STK3: variants seen among roughly 807,000 people sequenced by gnomAD.
STK3 encodes serine/threonine kinase 3.
STK3 carries 41 observed loss-of-function variants against 58.0 expected under a neutral mutation model. That is an observed-to-expected ratio of 0.71 (90% CI 0.55 to 0.92). The LOEUF is 0.92. Ranked by LOEUF, STK3 falls within the 40% of genes least tolerant of loss-of-function variation. The pLI, the probability that STK3 is intolerant of heterozygous loss-of-function variation, is 0.00. For synonymous variants in STK3, 170 were observed against 191.0 expected (o/e 0.89, Z 0.91); for missense variants, 479 against 602.7 (o/e 0.79, Z 2.15).
chr8:98,375,673 CT>C (rs534680371), intron 2 of STK3, among the ~76,000 whole-genome samples: 69 of 147,828 alleles, frequency 4.7e-4, no homozygotes, highest in Admixed American at 1.6e-3. Context: ...CCTTTTGCAA[CT>C]TTTTTTTTTT....
At chr8:98,412,651 ATATC>A (rs1563595650) in intron 3 of STK3, among the ~76,000 whole-genome samples, 1 of 152,226 alleles carries the variant, frequency 6.6e-6, no homozygotes, top group Non-Finnish European at 1.5e-5. Flanking sequence ...AAGCAGTTGC[ATATC>A]TATCAGGATT....
chr8:98,747,216 G>A (rs909351477), intron 4 of STK3, among the ~76,000 whole-genome samples: 19 of 151,342 alleles, frequency 1.3e-4, no homozygotes, highest in African/African-American at 4.4e-4. Flanking sequence ...AAATATATGA[G>A]TAAATATAAA....
intron 4 of STK3, among the ~76,000 whole-genome samples, chr8:98,742,813 T>C (rs1319653351): frequency 2.6e-5 from 4 of 151,994 alleles, no homozygotes; most frequent in African/African-American, 4.8e-5. Flanking sequence ...GATGACATGA[T>C]TGGATATCTA....
intron 6 of STK3, among the ~76,000 whole-genome samples, chr8:98,698,386 G>T (rs995639538): frequency 2.8e-4 from 42 of 152,060 alleles, no homozygotes; most frequent in Non-Finnish European, 7.4e-5. Flanking sequence ...ATTGTTATGT[G>T]TGAATTTGAT....
intron 1 of STK3, among the ~76,000 whole-genome samples, chr8:98,811,420 T>C (rs974450424): frequency 4.6e-5 from 7 of 152,140 alleles, no homozygotes; most frequent in Non-Finnish European, 1.5e-5. Flanking sequence ...GGCATGATCC[T>C]TCATCTCATA....
At chr8:98,891,424 G>A (rs765010967) in intron 1 of STK3, among the ~76,000 whole-genome samples, 1 of 152,160 alleles carries the variant, frequency 6.6e-6, no homozygotes, top group Non-Finnish European at 1.5e-5. Context: ...ATTATAACGA[G>A]AACTTTTATA....
At chr8:98,508,930 G>GTAT (rs1474018823) in intron 10 of STK3, among the ~76,000 whole-genome samples, 11 of 152,050 alleles carry the variant, frequency 7.2e-5, no homozygotes, top group Admixed American at 7.2e-4. Context: ...AACTAATGAT[G>GTAT]TATTCTTACA....
chr8:98,763,703 C>T (rs531829688), intron 3 of STK3, among the ~76,000 whole-genome samples: 2 of 151,722 alleles, frequency 1.3e-5, no homozygotes, highest in African/African-American at 4.8e-5. Flanking sequence ...GACAGAGTCT[C>T]ACTCTGTCAC....
intron 1 of STK3, among the ~76,000 whole-genome samples, chr8:98,894,554 A>G (rs1260004107): frequency 1.3e-5 from 2 of 152,114 alleles, no homozygotes; most frequent in Non-Finnish European, 1.5e-5. Context: ...TGTTCCCAGC[A>G]TTTATTGTTT....
At chr8:98,504,616 T>G (rs1823902244) in intron 10 of STK3, among the ~76,000 whole-genome samples, 2 of 152,172 alleles carry the variant, frequency 1.3e-5, no homozygotes, top group South Asian at 4.1e-4. Flanking sequence ...ATTTGCTTGT[T>G]TGTAATGGAT....
At chr8:98,870,784 C>T (rs1446155889) in intron 3 of STK3, among the ~76,000 whole-genome samples, 3 of 152,158 alleles carry the variant, frequency 2.0e-5, no homozygotes, top group Admixed American at 2.0e-4. Flanking sequence ...TTCTCCCATT[C>T]TATAGGTTGC....
At chr8:98,434,170 C>G (rs1818403786) in exon 3 of STK3, 2 of 152,280 alleles carry the variant, frequency 1.3e-5, no homozygotes, top group Non-Finnish European at 2.9e-5. Context: ...TCTGTGTATG[C>G]AGCAAAAGGG....
intron 9 of STK3, among the ~76,000 whole-genome samples, chr8:98,531,632 T>C (rs1392320728): frequency 1.3e-5 from 2 of 152,240 alleles, no homozygotes; most frequent in African/African-American, 2.4e-5. Context: ...AAGCCAGGCA[T>C]TGACTTCTCC....
intron 3 of STK3, among the ~76,000 whole-genome samples, chr8:98,766,743 G>A (rs976831962): frequency 1.3e-5 from 2 of 152,146 alleles, no homozygotes; most frequent in African/African-American, 4.8e-5. Context: ...CAGAAAAGCT[G>A]CAAAGAGCTG....
chr8:98,658,238 A>G (rs1017218505), intron 6 of STK3, among the ~76,000 whole-genome samples: 3 of 152,054 alleles, frequency 2.0e-5, no homozygotes, highest in Admixed American at 6.6e-5. Context: ...GTAATTCCCT[A>G]TTGAAGCTGG....
At chr8:98,735,053 T>C (rs1488180676) in intron 4 of STK3, among the ~76,000 whole-genome samples, 2 of 152,190 alleles carry the variant, frequency 1.3e-5, no homozygotes, top group African/African-American at 4.8e-5. Flanking sequence ...TTATGGCTTG[T>C]CTTTGGTATA....
chr8:98,512,954 C>T (rs533846186), intron 10 of STK3, among the ~76,000 whole-genome samples: 10 of 152,086 alleles, frequency 6.6e-5, no homozygotes, highest in South Asian at 2.1e-4. Flanking sequence ...CAGTGCCTAC[C>T]GCTTGGCATG....
chr8:98,621,908 A>C (rs1401546663), intron 6 of STK3, among the ~76,000 whole-genome samples: 4 of 152,024 alleles, frequency 2.6e-5, no homozygotes, highest in African/African-American at 9.7e-5. Flanking sequence ...TTCTTGTTGC[A>C]AGTAAAATAT....
At position 98,468,078 on chromosome 8, in the gene STK3, A is replaced by T. The variant is rs552957939; in HGVS notation, c.1318-12078T>A. Among the ~76,000 whole-genome samples, 97 of 152,368 alleles carry T rather than the reference A, an allele frequency of 6.4e-4. 1 individual carries two copies. The South Asian group carries it at 8.5e-3, about 13-fold the overall frequency. ...GTGAAGCAACATCTAGAAATAAACA[A>T]GAGTCTCATATTTTAGTTTCGAAGC... On this transcript the variant is annotated intron_variant, in intron 10 of 10. Coordinates refer to ENST00000419617, the MANE Select transcript of STK3 (RefSeq NM_006281.4).
Sources: gnomAD v4.1 joint callset for allele counts (sites outside exome capture counted in the v4.1 genomes callset) on GRCh38, gnomAD v4.1.1 for gene constraint, MANE v1.5 for transcripts, NCBI Gene and HGNC (gene_info 2026-07-23, HGNC 2026-07-21) for gene names.